The following GRIA4 variants were observed in gnomAD, a reference collection of about 807,000 sequenced individuals.
GRIA4 encodes the protein glutamate ionotropic receptor AMPA type subunit 4.
In GRIA4, 34 loss-of-function variants were observed where a neutral mutation model predicts 104.0. The observed-to-expected ratio is 0.33, with a 90% CI of 0.25 to 0.44. The LOEUF (loss-of-function observed/expected upper bound fraction) is 0.44, where lower values mean the gene tolerates loss of function less well. Ranked by LOEUF, GRIA4 falls within the 20% of genes least tolerant of loss-of-function variation. GRIA4 has a pLI of 1.00. For missense variants in GRIA4, 750 were observed against 1,096.5 expected (o/e 0.68, Z 4.46); for synonymous variants, 386 against 381.9 (o/e 1.01, Z -0.13).
intron 4 of GRIA4, among the ~76,000 whole-genome samples, chr11:105,834,286 G>A (rs1055408720): frequency 2.6e-5 from 4 of 151,996 alleles, no homozygotes. Flanking sequence ...AAGATAATGA[G>A]TATTAATATG....
At chr11:105,916,867 C>G (rs901004925) in intron 10 of GRIA4, among the ~76,000 whole-genome samples, 1 of 152,160 alleles carries the variant, frequency 6.6e-6, no homozygotes, top group South Asian at 2.1e-4. Context: ...AGTAGTTGTA[C>G]AGCCATTTCA....
At chr11:105,625,234 T>C (rs1329786353) in intron 3 of GRIA4, among the ~76,000 whole-genome samples, 1 of 152,110 alleles carries the variant, frequency 6.6e-6, no homozygotes, top group Non-Finnish European at 1.5e-5. Flanking sequence ...GACTCTATCA[T>C]GAAGGCCTAT....
chr11:105,895,121 AC>A, intron 6 of GRIA4, among the ~76,000 whole-genome samples: 1 of 152,232 alleles, frequency 6.6e-6, no homozygotes, highest in African/African-American at 2.4e-5. Flanking sequence ...TTTTATTCCC[AC>A]CAAAAAATAA....
At chr11:105,720,139 G>C (rs1251480699) in intron 3 of GRIA4, among the ~76,000 whole-genome samples, 2 of 150,888 alleles carry the variant, frequency 1.3e-5, no homozygotes, top group Non-Finnish European at 2.9e-5. Context: ...TTAGCCAAAA[G>C]TACTTTCCTA....
chr11:105,770,712 T>TTTTC (rs1348240389), intron 4 of GRIA4, among the ~76,000 whole-genome samples: 1 of 152,022 alleles, frequency 6.6e-6, no homozygotes, highest in Non-Finnish European at 1.5e-5. Context: ...TAAAACCTAC[T>TTTTC]TTTCCCCAAA....
At chr11:105,688,189 T>TC (rs1555101400) in intron 3 of GRIA4, among the ~76,000 whole-genome samples, 21,832 of 145,306 alleles carry the variant, frequency 0.15, 2,014 homozygotes, top group South Asian at 0.23. Context: ...TATCTATCTA[T>TC]TTATCTATAT....
At chr11:105,921,319 G>A (rs1426909346) in intron 11 of GRIA4, among the ~76,000 whole-genome samples, 2 of 149,868 alleles carry the variant, frequency 1.3e-5, no homozygotes, top group Non-Finnish European at 3.0e-5. Flanking sequence ...GTGTGTGTGT[G>A]TGTGTGTGTG....
chr11:105,643,578 A>G (rs1367260697), intron 3 of GRIA4, among the ~76,000 whole-genome samples: 1 of 152,170 alleles, frequency 6.6e-6, no homozygotes, highest in Non-Finnish European at 1.5e-5. Context: ...CTCCTACAAC[A>G]GTAATGGTGA....
At chr11:105,719,601 G>A (rs75721066) in intron 3 of GRIA4, among the ~76,000 whole-genome samples, 5,161 of 152,154 alleles carry the variant, frequency 0.034, 202 homozygotes, top group African/African-American at 0.09. Flanking sequence ...AAATAAACAT[G>A]TATGCTCAGT....
intron 7 of GRIA4, 23 bp downstream of exon 7, chr11:105,898,450 T>G: frequency 7.5e-7 from 1 of 1,341,120 alleles, no homozygotes; most frequent in South Asian, 1.3e-5. Context: ...TTTTATCTAC[T>G]GTATTACTGA....
At chr11:105,615,521 G>A (rs1950577982) in intron 3 of GRIA4, among the ~76,000 whole-genome samples, 1 of 151,780 alleles carries the variant, frequency 6.6e-6, no homozygotes, top group South Asian at 2.1e-4. Context: ...CAAAAAAAGT[G>A]AGTGTAATAG....
Position 105,862,216 on chromosome 11 carries a change from C to A in GRIA4, c.672+8C>A. The stretch of plus-strand genomic sequence containing the variant: ...CAAAACATATTAGAACAGGTAAGTC[C>A]TAGATTTTATATTTTTAACCTAGAC... On this transcript the variant is annotated splice_region_variant and intron_variant, in intron 5 of 16. Transcript: ENST00000282499. 6.6e-7 allele frequency: 1 copy of A among 1,511,892 alleles called. No individual in the cohort carries two copies. The highest frequency in any genetic ancestry group is 1.1e-5 in the South Asian group (1 of 88,320). 93.7% of individuals were successfully genotyped at this position (1,511,892 alleles called of 1,614,324 possible). A position where few individuals can be genotyped will look rare whatever the true frequency, so the allele number is the denominator to read the frequency against.
intron 3 of GRIA4, among the ~76,000 whole-genome samples, chr11:105,633,631 T>C (rs569035730): frequency 6.6e-6 from 1 of 152,304 alleles, no homozygotes; most frequent in South Asian, 2.1e-4. Flanking sequence ...AAAGAGTCTA[T>C]AGATGTAACT....
chr11:105,734,512 A>T (rs1938809827), intron 3 of GRIA4, among the ~76,000 whole-genome samples: 1 of 152,122 alleles, frequency 6.6e-6, no homozygotes, highest in Admixed American at 6.6e-5. Flanking sequence ...CTCTAAAATC[A>T]TAAATCAGAT....
chr11:105,941,878 C>T (rs936908029), intron 14 of GRIA4, among the ~76,000 whole-genome samples: 1 of 151,976 alleles, frequency 6.6e-6, no homozygotes, highest in Non-Finnish European at 1.5e-5. Context: ...AGATAAGCGG[C>T]CTCTGAATAT....
chr11:105,881,466 G>C (rs1203350719), intron 5 of GRIA4, among the ~76,000 whole-genome samples: 1 of 152,130 alleles, frequency 6.6e-6, no homozygotes, highest in East Asian at 1.9e-4. Flanking sequence ...ACATCAGACT[G>C]TATGGCTTTA....
intron 3 of GRIA4, among the ~76,000 whole-genome samples, chr11:105,625,416 C>A (rs1015354301): frequency 6.6e-6 from 1 of 152,096 alleles, no homozygotes; most frequent in Non-Finnish European, 1.5e-5. Flanking sequence ...TTATGACTCA[C>A]ACTCGTCACA....
At chr11:105,636,850 A>T (rs1951217210) in intron 3 of GRIA4, among the ~76,000 whole-genome samples, 1 of 152,200 alleles carries the variant, frequency 6.6e-6, no homozygotes, top group Non-Finnish European at 1.5e-5. Context: ...ACTTGGCTAG[A>T]ACTGAATCAG....
chr11:105,819,721 C>A (rs111447542), intron 4 of GRIA4, among the ~76,000 whole-genome samples: 1,593 of 152,144 alleles, frequency 0.01, 38 homozygotes, highest in African/African-American at 0.037. Flanking sequence ...ATATTTAAAT[C>A]TCTCAGCAAC....
Sources: allele counts gnomAD v4.1 joint callset (sites outside exome capture counted in the v4.1 genomes callset), GRCh38; gene constraint gnomAD v4.1.1; transcripts MANE v1.5; gene names NCBI Gene and HGNC (gene_info 2026-07-23, HGNC 2026-07-21).